WDFY3: variants seen among roughly 807,000 people sequenced by gnomAD.
WDFY3 encodes WD repeat and FYVE domain containing 3, also known as WD repeat and FYVE domain-containing protein 3.
WDFY3 carries 66 observed loss-of-function variants against 409.6 expected under a neutral mutation model. The ratio of observed to expected loss-of-function variants is 0.16; its 90% CI spans 0.13 to 0.20. The LOEUF is 0.20. WDFY3 is among the 10% of genes least tolerant of loss of function. The pLI, the probability that WDFY3 is intolerant of heterozygous loss-of-function variation, is 1.00. For missense variants in WDFY3, 3,031 were observed against 4,298.1 expected, an observed-to-expected ratio of 0.71 and a Z score of 8.24; for synonymous variants, 1,521 against 1,537.1, an observed-to-expected ratio of 0.99 and a Z score of 0.25.
chr4:84,821,666 C>G, intron 10 of WDFY3, 115 bp from the exon 11 acceptor site: 1 of 881,398 alleles, frequency 1.1e-6, no homozygotes. Flanking sequence ...TTACTAAGAA[C>G]ATAACCCTGT....
intron 1 of WDFY3, among the ~76,000 whole-genome samples, chr4:84,962,114 T>C (rs1774994367): frequency 6.6e-6 from 1 of 152,196 alleles, no homozygotes; most frequent in African/African-American, 2.4e-5. Context: ...AAAACAATGT[T>C]ACTCAACAAA....
chr4:84,756,221 C>T (rs575798188), intron 33 of WDFY3, among the ~76,000 whole-genome samples: 24 of 152,208 alleles, frequency 1.6e-4, no homozygotes, highest in African/African-American at 5.1e-4. Flanking sequence ...TCCTGTCATA[C>T]CCACTCGAGG....
At chr4:84,817,660 A>G (rs563871431) in intron 12 of WDFY3, 75 bp from the exon 13 acceptor site, 2 of 1,338,770 alleles carry the variant, frequency 1.5e-6, no homozygotes, top group Non-Finnish European at 2.0e-6. Flanking sequence ...ATTAACATTC[A>G]GTTATTTTTT....
At position 84,788,891 on chromosome 4, in the gene WDFY3, A is replaced by G. The variant is rs185773971; in HGVS notation, c.3669+835T>C. ...AAAAATTAGCCACGTGTGGTGGCACATGCCTGTAGTCCCAGCTATTTGGGA... is the reference window on the plus strand; with the variant it reads ...AAAAATTAGCCACGTGTGGTGGCACGTGCCTGTAGTCCCAGCTATTTGGGA... On this transcript the variant is annotated intron_variant, in intron 22 of 67. Coordinates refer to ENST00000295888, the MANE Select transcript of WDFY3 (RefSeq NM_014991.6). Among the ~76,000 whole-genome samples the G allele has an allele frequency of 4.3e-3, 652 of 152,212 alleles. 4 individuals are homozygous for G. The highest frequency in any genetic ancestry group is 0.015 in the African/African-American group (609 of 41,546).
intron 15 of WDFY3, among the ~76,000 whole-genome samples, chr4:84,804,485 C>T (rs1426214432): frequency 3.3e-5 from 5 of 152,082 alleles, no homozygotes; most frequent in African/African-American, 7.2e-5. Context: ...GAAAATGTTC[C>T]GCTTTACTTA....
chr4:84,896,705 T>C (rs1341784853), intron 3 of WDFY3, among the ~76,000 whole-genome samples: 1 of 152,210 alleles, frequency 6.6e-6, no homozygotes, highest in Admixed American at 6.5e-5. Flanking sequence ...CTCCTTTAAA[T>C]AGCCTATTAG....
At chr4:84,762,650 G>T (rs773778062) in intron 32 of WDFY3, among the ~76,000 whole-genome samples, 21 of 151,966 alleles carry the variant, frequency 1.4e-4, no homozygotes, top group Non-Finnish European at 2.4e-4. Context: ...ATAAGTGGAG[G>T]CACTATGATT....
At chr4:84,738,901 A>C in intron 40 of WDFY3, 109 bp downstream of exon 40, 1 of 1,052,696 alleles carries the variant, frequency 9.5e-7, no homozygotes, top group Non-Finnish European at 1.4e-6. Context: ...CCCTACTGGG[A>C]GAGTTGCTAT....
intron 8 of WDFY3, among the ~76,000 whole-genome samples, chr4:84,831,187 A>G (rs1033473568): frequency 4.1e-5 from 6 of 147,824 alleles, no homozygotes; most frequent in Non-Finnish European, 6.0e-5. Context: ...ACTCCATCCA[A>G]AAAAAAAAAA....
intron 33 of WDFY3, among the ~76,000 whole-genome samples, chr4:84,756,042 G>A (rs1259067125): frequency 6.6e-6 from 1 of 152,182 alleles, no homozygotes; most frequent in Non-Finnish European, 1.5e-5. Flanking sequence ...GGATGGAAGT[G>A]TAGTTGAGTC....
chr4:84,943,572 T>C (rs1378538063), intron 1 of WDFY3, among the ~76,000 whole-genome samples: 1 of 152,160 alleles, frequency 6.6e-6, no homozygotes, highest in Non-Finnish European at 1.5e-5. Flanking sequence ...ACGGTTTATG[T>C]TATCAGTAAC....
intron 21 of WDFY3, among the ~76,000 whole-genome samples, chr4:84,793,858 G>A (rs1436751866): frequency 6.6e-6 from 1 of 152,122 alleles, no homozygotes; most frequent in Non-Finnish European, 1.5e-5. Flanking sequence ...CAATTAATAT[G>A]TGATATTATT....
At chr4:84,897,150 T>G (rs1452123328) in intron 2 of WDFY3, 140 bp from the exon 3 acceptor site, 3 of 152,202 alleles carry the variant, frequency 2.0e-5, no homozygotes, top group Admixed American at 2.0e-4. Flanking sequence ...ACTAAGAAGC[T>G]TTTTAAAAAA....
chr4:84,796,892 T>G, intron 18 of WDFY3, 140 bp from the exon 19 acceptor site: 1 of 655,986 alleles, frequency 1.5e-6, no homozygotes, highest in Non-Finnish European at 2.6e-6. Flanking sequence ...TATCCAGTTT[T>G]AATGTACATT....
intron 1 of WDFY3, among the ~76,000 whole-genome samples, chr4:84,954,054 A>G (rs923494331): frequency 5.9e-5 from 9 of 152,178 alleles, no homozygotes; most frequent in African/African-American, 2.2e-4. Flanking sequence ...CCATGTGTAA[A>G]GCGTCCATGC....
intron 27 of WDFY3, among the ~76,000 whole-genome samples, chr4:84,775,646 T>C (rs898060910): frequency 5.3e-5 from 8 of 151,792 alleles, no homozygotes; most frequent in Non-Finnish European, 1.2e-4. Flanking sequence ...TCAAGCAATC[T>C]AAGATATGTG....
At chr4:84,678,803 A>T in intron 65 of WDFY3, 116 bp downstream of exon 65, 1 of 1,162,532 alleles carries the variant, frequency 8.6e-7, no homozygotes, top group East Asian at 2.4e-5. Flanking sequence ...TGAGTGGCCC[A>T]GCTCACGGGG....
At chr4:84,718,276 T>A (rs1416076944) in intron 48 of WDFY3, 146 bp downstream of exon 48, 1 of 718,198 alleles carries the variant, frequency 1.4e-6, no homozygotes, top group East Asian at 2.8e-5. Context: ...GAATATCATC[T>A]TTGTGAATAT....
intron 25 of WDFY3, 31 bp downstream of exon 25, chr4:84,782,932 A>G (rs1171415637): frequency 1.9e-6 from 3 of 1,598,484 alleles, no homozygotes. Context: ...CAAATAAAGA[A>G]GTTTGAAACA....
Sources: allele counts gnomAD v4.1 joint callset (sites outside exome capture counted in the v4.1 genomes callset), GRCh38; gene constraint gnomAD v4.1.1; transcripts MANE v1.5; gene names NCBI Gene and HGNC (gene_info 2026-07-23, HGNC 2026-07-21).